WDR64: variants seen among roughly 807,000 people sequenced by gnomAD.
WDR64 encodes WD repeat-containing protein 64.
In WDR64, 112 loss-of-function variants were observed where a neutral mutation model predicts 139.3. The ratio of observed to expected loss-of-function variants is 0.80; its 90% CI spans 0.69 to 0.94. The LOEUF is 0.94. Among genes scored for constraint, WDR64 ranks in the 40% least tolerant of loss-of-function variants. The pLI is 0.00. For missense variants in WDR64, 1,206 were observed against 1,293.1 expected, an observed-to-expected ratio of 0.93 and a Z score of 1.03; for synonymous variants, 444 against 437.7, an observed-to-expected ratio of 1.01 and a Z score of -0.18.
chr1:241,764,172 C>T (rs528270837), intron 15 of WDR64, among the ~76,000 whole-genome samples: 1 of 152,136 alleles, frequency 6.6e-6, no homozygotes, highest in African/African-American at 2.4e-5. Flanking sequence ...ACCATGCTTA[C>T]AAGAATAAGG....
At chr1:241,714,616 A>G (rs748136651) in intron 9 of WDR64, among the ~76,000 whole-genome samples, 1 of 152,058 alleles carries the variant, frequency 6.6e-6, no homozygotes, top group Admixed American at 6.5e-5. Context: ...TACACTGTGC[A>G]TTCAAAATTT....
rs923578186 is a variant in WDR64, at chr1:241,770,211, C to T, written c.2184-410C>T. Among the ~76,000 whole-genome samples the T allele has an allele frequency of 3.3e-5, 5 of 152,218 alleles. No homozygotes were observed. The East Asian group carries it at 5.8e-4, about 18-fold the overall frequency. On this transcript the variant is annotated intron_variant, in intron 17 of 27. Coordinates refer to ENST00000437684, the MANE Select transcript of WDR64 (RefSeq NM_001367482.1). ...ACCAGACCTTAAGCCACTTTTCAGC[C>T]GGTTTCAGTGGAGTGCCACAGACTA...
At chr1:241,716,287 G>GAAAAAAAAAAAAAAAAAAAAAAAA (rs10696205) in intron 9 of WDR64, among the ~76,000 whole-genome samples, 1 of 145,256 alleles carries the variant, frequency 6.9e-6, no homozygotes, top group African/African-American at 2.5e-5. Flanking sequence ...GCTTTTGCAG[G>GAAAAAAAAAAAAAAAAAAAAAAAA]AAAAAAAAAA....
intron 1 of WDR64, among the ~76,000 whole-genome samples, chr1:241,653,543 C>CTTTTTTTTTT (rs33934176): frequency 3.6e-5 from 5 of 137,112 alleles, no homozygotes; most frequent in African/African-American, 5.3e-5. Flanking sequence ...CTTTTCTTTT[C>CTTTTTTTTTT]TTTTTTTTTT....
intron 8 of WDR64, among the ~76,000 whole-genome samples, chr1:241,692,384 G>A (rs1358995768): frequency 6.6e-6 from 1 of 152,168 alleles, no homozygotes; most frequent in Non-Finnish European, 1.5e-5. Flanking sequence ...GGACTGACAA[G>A]TCAAGACATA....
At chr1:241,730,615 T>C (rs957739379) in intron 10 of WDR64, among the ~76,000 whole-genome samples, 5 of 152,204 alleles carry the variant, frequency 3.3e-5, no homozygotes, top group African/African-American at 1.2e-4. Context: ...TGTGGTTCCC[T>C]TGCATTGTTT....
chr1:241,733,327 T>G (rs1669166418), intron 10 of WDR64, among the ~76,000 whole-genome samples: 1 of 151,958 alleles, frequency 6.6e-6, no homozygotes, highest in Non-Finnish European at 1.5e-5. Context: ...CTACAAAAAT[T>G]AGCTGGGTGT....
chr1:241,787,777 G>C, intron 23 of WDR64, 72 bp from the exon 24 acceptor site: 1 of 1,329,886 alleles, frequency 7.5e-7, no homozygotes, highest in Non-Finnish European at 1.0e-6. Context: ...TTACATAAAC[G>C]ATCTAATGAA....
At chr1:241,784,622 C>T (rs932730587) in intron 23 of WDR64, among the ~76,000 whole-genome samples, 2 of 152,096 alleles carry the variant, frequency 1.3e-5, no homozygotes, top group African/African-American at 4.8e-5. Context: ...GAGTAAGGTC[C>T]TATTTGGAGG....
chr1:241,708,046 C>T (rs1574028950), intron 8 of WDR64, among the ~76,000 whole-genome samples: 1 of 152,170 alleles, frequency 6.6e-6, no homozygotes, highest in East Asian at 1.9e-4. Flanking sequence ...TTTACTGGGG[C>T]TCTCATAAGA....
At chr1:241,675,861 A>G (rs1245177626) in intron 4 of WDR64, among the ~76,000 whole-genome samples, 2 of 152,344 alleles carry the variant, frequency 1.3e-5, no homozygotes, top group African/African-American at 4.8e-5. Flanking sequence ...GCTGTTATCA[A>G]TGTCATTTCT....
At chr1:241,792,953 T>C (rs1041062008) in intron 25 of WDR64, among the ~76,000 whole-genome samples, 2 of 152,202 alleles carry the variant, frequency 1.3e-5, no homozygotes, top group African/African-American at 4.8e-5. Flanking sequence ...CAGTTTGCAA[T>C]AGCAAATCCC....
At chr1:241,771,989 T>TATATATATATATATA (rs1658473235) in intron 19 of WDR64, among the ~76,000 whole-genome samples, 3 of 131,714 alleles carry the variant, frequency 2.3e-5, no homozygotes, top group Non-Finnish European at 4.8e-5. Context: ...TATATATATA[T>TATATATATATATATA]TCTTTTTGGA....
intron 9 of WDR64, among the ~76,000 whole-genome samples, chr1:241,716,852 T>G (rs1464680902): frequency 6.6e-6 from 1 of 152,126 alleles, no homozygotes; most frequent in Non-Finnish European, 1.5e-5. Context: ...TCCAAAAGAT[T>G]GGATTTTCTT....
chr1:241,659,129 A>G (rs1210091356), intron 1 of WDR64, among the ~76,000 whole-genome samples: 1 of 152,146 alleles, frequency 6.6e-6, no homozygotes, highest in Non-Finnish European at 1.5e-5. Flanking sequence ...CTCATCATTC[A>G]GCTCCTACAT....
chr1:241,728,993 C>T (rs1574048271), intron 10 of WDR64, among the ~76,000 whole-genome samples: 2 of 152,102 alleles, frequency 1.3e-5, no homozygotes, highest in South Asian at 4.1e-4. Flanking sequence ...TCTTCAAAGG[C>T]AGTTATCTTT....
chr1:241,711,278 T>A (rs1030203032), intron 8 of WDR64, among the ~76,000 whole-genome samples: 2 of 151,518 alleles, frequency 1.3e-5, no homozygotes, highest in African/African-American at 4.9e-5. Flanking sequence ...AATTACCAGT[T>A]TATTGCAGTA....
At chr1:241,760,789 G>A (rs1477195633) in intron 15 of WDR64, among the ~76,000 whole-genome samples, 1 of 124,988 alleles carries the variant, frequency 8.0e-6, no homozygotes, top group Admixed American at 8.8e-5. Flanking sequence ...TTTTTGAGAC[G>A]GAGTCTCACT....
At chr1:241,712,010 T>C in intron 9 of WDR64, 129 bp downstream of exon 9, 1 of 896,274 alleles carries the variant, frequency 1.1e-6, no homozygotes. Context: ...GTTTGTCTTT[T>C]TCTTTCTGGC....
Sources: allele counts gnomAD v4.1 joint callset (sites outside exome capture counted in the v4.1 genomes callset), GRCh38; gene constraint gnomAD v4.1.1; transcripts MANE v1.5; gene names NCBI Gene and HGNC (gene_info 2026-07-23, HGNC 2026-07-21).